Variants in MARCHF1 observed in about 807,000 individuals in gnomAD.
MARCHF1 encodes the protein membrane associated ring-CH-type finger 1, also known as E3 ubiquitin-protein ligase MARCHF1.
MARCHF1 carries 40 observed loss-of-function variants against 54.2 expected under a neutral mutation model. The ratio of observed to expected loss-of-function variants is 0.74; its 90% CI spans 0.57 to 0.96. MARCHF1 has a LOEUF of 0.96. Ranked by LOEUF, MARCHF1 falls within the 40% of genes least tolerant of loss-of-function variation. The probability of loss-of-function intolerance (pLI) is 0.00; values close to 1 mark genes in which losing one functional copy is unlikely to be tolerated. For missense variants in MARCHF1, 586 were observed against 656.5 expected (o/e 0.89, Z 1.17); for synonymous variants, 236 against 236.3 (o/e 1.00, Z 0.01).
intron 1 of MARCHF1, among the ~76,000 whole-genome samples, chr4:164,375,076 G>C (rs535285820): frequency 6.6e-6 from 1 of 152,102 alleles, no homozygotes; most frequent in Non-Finnish European, 1.5e-5. Flanking sequence ...AAATTTGGGA[G>C]AATTTAGCAG....
At chr4:163,664,108 G>GTA (rs1180484979) in intron 5 of MARCHF1, among the ~76,000 whole-genome samples, 1 of 152,050 alleles carries the variant, frequency 6.6e-6, no homozygotes, top group Non-Finnish European at 1.5e-5. Context: ...TTTCAATGCT[G>GTA]TAAAAGCCTG....
chr4:163,938,938 G>T (rs577351470), intron 3 of MARCHF1, among the ~76,000 whole-genome samples: 1 of 152,272 alleles, frequency 6.6e-6, no homozygotes, highest in East Asian at 1.9e-4. Flanking sequence ...TCCTGCCTTT[G>T]ACATGTGGGG....
At position 163,545,715 on chromosome 4, in the gene MARCHF1, T is replaced by G. The variant is rs778478425; in HGVS notation, c.1220A>C (p.Glu407Ala). Reference protein sequence around the residue: ...KWEKLQMTTSERRKIFCSVTF... With the variant: ...KWEKLQMTTSARRKIFCSVTF... ...GACAGAGCAGAATATTTTCCTCCTT[T>G]CACTTGTGGTCATCTGTAGTTTCTC... The change falls in exon 9 of 10, where the codon GAA becomes GCA. Residue 407 changes from glutamate to alanine, a missense_variant. By Grantham distance (107) the Glu-to-Ala change is moderately radical. Transcript: ENST00000514618. 6.2e-7 allele frequency: 1 copy of G among 1,613,970 alleles called. No individual in the cohort carries two copies. Among genetic ancestry groups the G allele is most frequent in the South Asian group, 1.1e-5 (1 of 91,044 alleles).
chr4:164,273,347 G>A (rs1369408875), intron 1 of MARCHF1, among the ~76,000 whole-genome samples: 1 of 152,074 alleles, frequency 6.6e-6, no homozygotes, highest in East Asian at 1.9e-4. Context: ...GAAGAGCACG[G>A]GGGAAACTGC....
At chr4:163,539,481 G>T (rs545294031) in intron 9 of MARCHF1, among the ~76,000 whole-genome samples, 2 of 152,240 alleles carry the variant, frequency 1.3e-5, no homozygotes, top group Non-Finnish European at 2.9e-5. Context: ...GTTATTATCT[G>T]TGTGATTTGA....
At chr4:163,780,894 C>A (rs2110903355) in intron 4 of MARCHF1, among the ~76,000 whole-genome samples, 1 of 152,280 alleles carries the variant, frequency 6.6e-6, no homozygotes, top group East Asian at 1.9e-4. Context: ...GACTGTTGAG[C>A]TTGTTGTGAA....
chr4:164,274,093 T>C (rs992830513), intron 1 of MARCHF1, among the ~76,000 whole-genome samples: 3 of 152,150 alleles, frequency 2.0e-5, no homozygotes, highest in African/African-American at 7.2e-5. Context: ...CGGCAATAAA[T>C]CACAAAGTTA....
chr4:163,528,574 G>A lies in MARCHF1; in HGVS notation c.*174C>T. 1 of 610,292 alleles carries A rather than the reference G, an allele frequency of 1.6e-6. No individual in the cohort carries two copies. The allele number at this position is 610,292 out of a possible 1,614,324, so 37.8% of individuals were successfully genotyped here. On this transcript the variant is annotated 3_prime_UTR_variant, in exon 10 of 10. Transcript: ENST00000514618. Reference sequence around the variant, plus strand: ...TACGCTATTACTTCATGGGCTCCTGGGCATTTGGTCTGTTTGTTTTTCTCC... The same window carrying A: ...TACGCTATTACTTCATGGGCTCCTGAGCATTTGGTCTGTTTGTTTTTCTCC...
chr4:164,027,392 A>AAAAAAAAAAAAAAAT lies in MARCHF1; in HGVS notation c.-247-38684_-247-38683insATTTTTTTTTTTTTT, dbSNP rs1553971149. 4.1e-3 allele frequency among the ~76,000 whole-genome samples: 243 copies of AAAAAAAAAAAAAAAT among 59,006 alleles called. 84 individuals are homozygous for AAAAAAAAAAAAAAAT. The highest frequency in any genetic ancestry group is 6.0e-3 in the Non-Finnish European group (180 of 29,976). The allele number at this position is 59,006 out of a possible 152,430, so 38.7% of individuals were successfully genotyped here. A position where few individuals can be genotyped will look rare whatever the true frequency, so the allele number is the denominator to read the frequency against. ...AAAAAAAAAAAAAAAAAAAAAAAAA[A>AAAAAAAAAAAAAAAT]AGATACATAGATAAATGGATCTATA... On this transcript the variant is annotated intron_variant, in intron 2 of 9. Transcript: ENST00000514618.
rs577130238 is a variant in MARCHF1, at chr4:163,801,162, G to A, written c.111+52859C>T. ...ACTCGGGAGTTGGAGGAAGAACAAA[G>A]ATTGTGCTTTGTTGCTTAACGACAC... On this transcript the variant is annotated intron_variant, in intron 4 of 9. Transcript: ENST00000514618. Among the ~76,000 whole-genome samples, 10 of 152,128 alleles carry A rather than the reference G, an allele frequency of 6.6e-5. No individual in the cohort carries two copies. In the South Asian group the frequency reaches 2.1e-3, roughly 32 times the overall value.
At chr4:163,646,066 C>G (rs1409597031) in intron 5 of MARCHF1, among the ~76,000 whole-genome samples, 1 of 149,944 alleles carries the variant, frequency 6.7e-6, no homozygotes, top group Non-Finnish European at 1.5e-5. Flanking sequence ...GAAAAATACT[C>G]TGAGGCATCT....
chr4:164,024,481 G>T (rs1314897008), intron 2 of MARCHF1, among the ~76,000 whole-genome samples: 1 of 152,082 alleles, frequency 6.6e-6, no homozygotes, highest in East Asian at 1.9e-4. Context: ...TTCATATCCT[G>T]CCAAACTAAG....
intron 8 of MARCHF1, among the ~76,000 whole-genome samples, chr4:163,563,114 T>C (rs1488031280): frequency 6.6e-6 from 1 of 152,232 alleles, no homozygotes; most frequent in Non-Finnish European, 1.5e-5. Context: ...GTAACTGTCT[T>C]TCCATTTCCT....
chr4:164,020,828 G>A (rs1347487100), intron 2 of MARCHF1, among the ~76,000 whole-genome samples: 2 of 152,194 alleles, frequency 1.3e-5, no homozygotes, highest in Non-Finnish European at 2.9e-5. Context: ...CTACTGCAGA[G>A]GCTGAGGTGG....
intron 3 of MARCHF1, among the ~76,000 whole-genome samples, chr4:163,884,505 A>G (rs1425395817): frequency 6.6e-6 from 1 of 152,148 alleles, no homozygotes; most frequent in Non-Finnish European, 1.5e-5. Flanking sequence ...AGGTAAAACA[A>G]GAACTCTGTC....
intron 1 of MARCHF1, among the ~76,000 whole-genome samples, chr4:164,230,694 A>C (rs1213783288): frequency 1.3e-5 from 2 of 152,112 alleles, no homozygotes; most frequent in Admixed American, 1.3e-4. Context: ...TGACATCTGG[A>C]CTACAATTGC....
At chr4:164,315,761 T>C (rs759359000) in intron 1 of MARCHF1, among the ~76,000 whole-genome samples, 19 of 152,300 alleles carry the variant, frequency 1.2e-4, no homozygotes, top group Non-Finnish European at 2.2e-4. Context: ...GAGATCCCTA[T>C]GGATCATAAC....
chr4:164,158,634 C>T (rs570068528), intron 1 of MARCHF1, among the ~76,000 whole-genome samples: 1 of 151,942 alleles, frequency 6.6e-6, no homozygotes. Context: ...GAGTGAGACT[C>T]CATCTCAAAA....
At chr4:164,339,015 T>C (rs1443083506) in intron 1 of MARCHF1, among the ~76,000 whole-genome samples, 8 of 151,926 alleles carry the variant, frequency 5.3e-5, no homozygotes, top group African/African-American at 1.9e-4. Context: ...AATTCATCAA[T>C]AGGATAAAGC....
Sources: gnomAD v4.1 joint callset for allele counts (sites outside exome capture counted in the v4.1 genomes callset) on GRCh38, gnomAD v4.1.1 for gene constraint, MANE v1.5 for transcripts, NCBI Gene and HGNC (gene_info 2026-07-23, HGNC 2026-07-21) for gene names.